NDEL1: variants seen among roughly 807,000 people sequenced by gnomAD.
NDEL1 encodes nuclear distribution protein nudE-like 1.
In NDEL1, 9 loss-of-function variants were observed where a neutral mutation model predicts 45.7. The ratio of observed to expected loss-of-function variants is 0.20; its 90% confidence interval spans 0.12 to 0.34. NDEL1 has a LOEUF of 0.34. NDEL1 is among the 10% of genes least tolerant of loss of function. The probability of loss-of-function intolerance (pLI) is 1.00; values close to 1 mark genes in which losing one functional copy is unlikely to be tolerated. For synonymous variants in NDEL1, 133 were observed against 158.6 expected, an observed-to-expected ratio of 0.84 and a Z score of 1.21; for missense variants, 306 against 406.2, an observed-to-expected ratio of 0.75 and a Z score of 2.12.
intron 1 of NDEL1, among the ~76,000 whole-genome samples, chr17:8,416,015 G>A (rs1319473337): frequency 1.3e-5 from 2 of 152,122 alleles, no homozygotes; most frequent in Admixed American, 1.3e-4. Context: ...CCAAAGTGCT[G>A]GGATTACAGG....
At chr17:8,455,207 C>T (rs1244734711) in intron 7 of NDEL1, among the ~76,000 whole-genome samples, 2 of 152,216 alleles carry the variant, frequency 1.3e-5, no homozygotes, top group Non-Finnish European at 2.9e-5. Flanking sequence ...CCACCCTCAT[C>T]CTGGTCTTTG....
intron 1 of NDEL1, among the ~76,000 whole-genome samples, chr17:8,436,945 C>A (rs1439317334): frequency 2.0e-5 from 3 of 152,122 alleles, no homozygotes; most frequent in African/African-American, 7.2e-5. Context: ...GGTTTCTTTT[C>A]GTGGGATTTT....
downstream of NDEL1, among the ~76,000 whole-genome samples, chr17:8,472,235 T>TA (rs1421763143): frequency 6.6e-6 from 1 of 152,214 alleles, no homozygotes; most frequent in Admixed American, 6.5e-5. Context: ...AGCTTGGCCT[T>TA]ACGGCTCACA....
At chr17:8,461,082 C>T (rs1911171081) in intron 8 of NDEL1, 2 of 152,172 alleles carry the variant, frequency 1.3e-5, no homozygotes, top group African/African-American at 4.8e-5. Context: ...TGATCCTTGG[C>T]TACTGTCTCT....
At chr17:8,417,490 A>G (rs924232931) in intron 1 of NDEL1, among the ~76,000 whole-genome samples, 1 of 152,026 alleles carries the variant, frequency 6.6e-6, no homozygotes, top group Non-Finnish European at 1.5e-5. Context: ...TTCCTTGTTG[A>G]ATGTTCATTT....
At chr17:8,437,806 G>C (rs1157640593) in intron 1 of NDEL1, among the ~76,000 whole-genome samples, 3 of 152,054 alleles carry the variant, frequency 2.0e-5, no homozygotes, top group Admixed American at 2.0e-4. Context: ...TTTTGGACAG[G>C]CTGTTTTAAA....
intron 8 of NDEL1, 121 bp from the exon 9 acceptor site, chr17:8,466,809 A>T (rs1218925827): frequency 2.1e-6 from 2 of 968,852 alleles, no homozygotes; most frequent in East Asian, 2.6e-5. Context: ...GGCCATCAGG[A>T]CCCTACAGCC....
intron 1 of NDEL1, among the ~76,000 whole-genome samples, chr17:8,425,898 C>G (rs2151696296): frequency 6.6e-6 from 1 of 152,130 alleles, no homozygotes; most frequent in Middle Eastern, 3.4e-3. Context: ...CTCCAGCCAT[C>G]CTCCCACCTC....
intron 6 of NDEL1, 36 bp from the exon 7 acceptor site, chr17:8,454,760 T>C: frequency 6.5e-6 from 10 of 1,528,110 alleles, no homozygotes; most frequent in Non-Finnish European, 9.0e-6. Flanking sequence ...TAAAGGGAAC[T>C]GCAAGTGTAA....
intron 4 of NDEL1, 38 bp downstream of exon 4, chr17:8,446,940 C>T: frequency 1.9e-6 from 3 of 1,594,028 alleles, no homozygotes; most frequent in Non-Finnish European, 2.6e-6. Flanking sequence ...AAAAAACCAC[C>T]TTGGTAATTA....
chr17:8,466,720 T>C, intron 8 of NDEL1: 1 of 585,692 alleles, frequency 1.7e-6, no homozygotes, highest in Non-Finnish European at 3.0e-6. Context: ...AAACAGGTCA[T>C]GTGGTCCTGG....
chr17:8,473,417 C>T (rs1911958008), intron 3 of NDEL1, among the ~76,000 whole-genome samples: 1 of 152,176 alleles, frequency 6.6e-6, no homozygotes, highest in Admixed American at 6.5e-5. Context: ...GAACTTCTGA[C>T]CTCAAATGAT....
chr17:8,470,112 G>A (rs1911800912), downstream of NDEL1, among the ~76,000 whole-genome samples: 1 of 151,950 alleles, frequency 6.6e-6, no homozygotes, highest in African/African-American at 2.4e-5. This position sits in a 1 kb window ranked among gnomAD's most constrained non-coding sequence, Gnocchi z 4.2. Context: ...TTGGACTGTG[G>A]GGTGTAAGAT....
At chr17:8,442,845 A>G (rs1251154812) in intron 1 of NDEL1, among the ~76,000 whole-genome samples, 1 of 138,246 alleles carries the variant, frequency 7.2e-6, no homozygotes, top group Non-Finnish European at 1.5e-5. Context: ...GCTGGAGTGC[A>G]GTGGCGCAAT....
At chr17:8,449,753 G>A (rs1910350286) in intron 5 of NDEL1, among the ~76,000 whole-genome samples, 2 of 151,792 alleles carry the variant, frequency 1.3e-5, no homozygotes, top group South Asian at 4.1e-4. Flanking sequence ...TCCATTGTAT[G>A]TATTCATTTT....
rs1046474054 is a variant in NDEL1 at position 8,463,302 on chromosome 17, TCTC to T, written c.944+3145_944+3147del. The T allele has an allele frequency of 1.9e-6, 3 of 1,604,904 alleles. No individual in the cohort carries two copies. In the African/African-American group the frequency reaches 4.0e-5, roughly 21 times the overall value. Reference sequence around the variant, plus strand: ...GTATTCGTATTACTGTTTAATATGTTCTCCTTTCTTTTATTAGGCAAGAAAAAG... The same window carrying T: ...GTATTCGTATTACTGTTTAATATGTTCTTTCTTTTATTAGGCAAGAAAAAG... On this transcript the variant is annotated intron_variant, in intron 8 of 8. Transcript: ENST00000334527.
chr17:8,432,328 A>AATATATATATTATATGTAAATAT (rs1555557042), upstream of NDEL1, among the ~76,000 whole-genome samples: 23 of 106,566 alleles, frequency 2.2e-4, no homozygotes, highest in Non-Finnish European at 3.6e-4. Context: ...TTTATATATA[A>AATATATATATTATATGTAAATAT]ATATATATAT....
At chr17:8,451,596 G>A (rs1248244775) in intron 6 of NDEL1, among the ~76,000 whole-genome samples, 2 of 152,008 alleles carry the variant, frequency 1.3e-5, no homozygotes, top group African/African-American at 2.4e-5. Context: ...TTGATGATTG[G>A]CACATACAGA....
chr17:8,416,516 A>G (rs1192019153), intron 1 of NDEL1, among the ~76,000 whole-genome samples: 1 of 152,094 alleles, frequency 6.6e-6, no homozygotes, highest in Non-Finnish European at 1.5e-5. Context: ...TCAAGCTTCT[A>G]GTTTATTGTT....
Sources: gnomAD v4.1 joint callset for allele counts (sites outside exome capture counted in the v4.1 genomes callset) on GRCh38, gnomAD v4.1.1 for gene constraint, Gnocchi (gnomAD v3.1) non-coding constraint, MANE v1.5 for transcripts, NCBI Gene and HGNC (gene_info 2026-07-23, HGNC 2026-07-21) for gene names.